RAF1: variants seen among roughly 807,000 people sequenced by gnomAD.
RAF1 encodes the protein RAF proto-oncogene serine/threonine-protein kinase.
Under a neutral mutation model 81.1 loss-of-function variants are expected in RAF1, and 27 were observed. That is an observed-to-expected ratio of 0.33 (90% CI 0.25 to 0.46). The LOEUF is 0.46. Ranked by LOEUF, RAF1 falls within the 20% of genes least tolerant of loss-of-function variation. RAF1 has a pLI of 1.00. For synonymous variants in RAF1, 298 were observed against 294.0 expected, an observed-to-expected ratio of 1.01 and a Z score of -0.14; for missense variants, 598 against 826.0, an observed-to-expected ratio of 0.72 and a Z score of 3.38.
chr3:12,656,914 T>C (rs2060711540), intron 1 of RAF1, among the ~76,000 whole-genome samples: 1 of 151,642 alleles, frequency 6.6e-6, no homozygotes, highest in African/African-American at 2.4e-5. Context: ...GGAGAATCAC[T>C]TGAACCCGGG....
In RAF1 at chr3:12,584,462, C is replaced by T. The variant is rs2058251449; in HGVS notation, c.*52G>A. 1.9e-6 allele frequency: 3 copies of T among 1,610,992 alleles called. No individual in the cohort carries two copies. Among genetic ancestry groups the T allele is most frequent in the Admixed American group, 1.7e-5 (1 of 59,986 alleles). On this transcript the variant is annotated 3_prime_UTR_variant, in exon 18 of 18. Transcript: ENST00000442415. ...GGAGAAAGGGAGCAGAAAAGTGGTG[C>T]CTGCTGGCTTCTCCTCCTCCCCTGG...
At chr3:12,640,714 A>G (rs1359046375) in intron 1 of RAF1, among the ~76,000 whole-genome samples, 2 of 140,790 alleles carry the variant, frequency 1.4e-5, no homozygotes, top group African/African-American at 5.5e-5. Flanking sequence ...TCAGGAAACA[A>G]CAGGTGCTGG....
intron 1 of RAF1, among the ~76,000 whole-genome samples, chr3:12,658,675 G>A (rs1491002780): frequency 1.3e-5 from 2 of 152,182 alleles, no homozygotes; most frequent in Non-Finnish European, 2.9e-5. Flanking sequence ...AACAAAAAAT[G>A]TAAACAACCT....
At chr3:12,592,320 C>T (rs1157525615) in intron 11 of RAF1, among the ~76,000 whole-genome samples, 1 of 152,166 alleles carries the variant, frequency 6.6e-6, no homozygotes, top group Non-Finnish European at 1.5e-5. Context: ...TGAGGCTGAA[C>T]TCTGAATCCA....
chr3:12,628,637 T>G (rs2059775652), intron 1 of RAF1, among the ~76,000 whole-genome samples: 1 of 151,878 alleles, frequency 6.6e-6, no homozygotes, highest in Non-Finnish European at 1.5e-5. Flanking sequence ...CACTGTAAGT[T>G]ATTTTGTGAC....
intron 12 of RAF1, among the ~76,000 whole-genome samples, chr3:12,591,191 T>C (rs1050895378): frequency 3.3e-5 from 5 of 152,126 alleles, no homozygotes; most frequent in African/African-American, 1.2e-4. Flanking sequence ...ATCAGTTCAG[T>C]GCCAGCCTTG....
intron 1 of RAF1, among the ~76,000 whole-genome samples, chr3:12,656,995 C>A (rs1380312773): frequency 7.3e-6 from 1 of 136,938 alleles, no homozygotes; most frequent in African/African-American, 2.8e-5. Context: ...GAAACTCCAT[C>A]TCGGGGAAAA....
intron 1 of RAF1, among the ~76,000 whole-genome samples, chr3:12,637,259 T>C (rs1450726189): frequency 6.6e-6 from 1 of 152,124 alleles, no homozygotes; most frequent in Non-Finnish European, 1.5e-5. Context: ...TTCTGAGAAC[T>C]TCAGTGAATT....
At chr3:12,598,672 G>A (rs1483024794) in intron 11 of RAF1, among the ~76,000 whole-genome samples, 3 of 141,136 alleles carry the variant, frequency 2.1e-5, no homozygotes, top group African/African-American at 8.1e-5. Flanking sequence ...GCTGCAGTGA[G>A]CTGTGATTGT....
At chr3:12,659,935 T>C (rs1223297892) in intron 1 of RAF1, among the ~76,000 whole-genome samples, 1 of 152,204 alleles carries the variant, frequency 6.6e-6, no homozygotes, top group African/African-American at 2.4e-5. Flanking sequence ...AGTAGGTTAC[T>C]AACAAAGATT....
intron 1 of RAF1, among the ~76,000 whole-genome samples, chr3:12,619,201 T>A (rs1425666987): frequency 1.3e-5 from 2 of 151,468 alleles, no homozygotes; most frequent in African/African-American, 4.9e-5. Context: ...GCGGAGATCA[T>A]GCCACCGCAC....
At chr3:12,662,881 A>G (rs1053755887) in intron 1 of RAF1, among the ~76,000 whole-genome samples, 3 of 152,054 alleles carry the variant, frequency 2.0e-5, no homozygotes, top group African/African-American at 7.2e-5. Flanking sequence ...CAGGGAGGGC[A>G]GAGTCTCTCC....
Position 12,599,769 on chromosome 3 carries a change from T to A in RAF1, c.1090A>T (p.Ile364Leu). ...GACAGCATCACTTCACTGGCTTCTA[T>A]TTCCCAATAATAGCTTGAATCTCTC... The change falls in exon 11 of 18, where the codon ATA becomes TTA. Residue 364 changes from isoleucine to leucine, a missense_variant. Physicochemically the swap from Ile to Leu is conservative, Grantham distance 5 (BLOSUM62 2). This residue lies in a region of RAF1 where 194 missense variants were observed against 202.7 expected (regional missense o/e 0.96). Transcript: ENST00000442415. 1 of 1,614,224 alleles carries A rather than the reference T, an allele frequency of 6.2e-7. No homozygotes were observed. Among genetic ancestry groups the A allele is most frequent in the African/African-American group, 1.3e-5 (1 of 75,074 alleles).
intron 1 of RAF1, among the ~76,000 whole-genome samples, chr3:12,620,093 T>C (rs967865217): frequency 1.3e-5 from 2 of 152,034 alleles, no homozygotes; most frequent in Non-Finnish European, 2.9e-5. Flanking sequence ...AAAAAAATAA[T>C]AATAATAAAT....
chr3:12,648,384 T>A (rs969182907), intron 1 of RAF1, among the ~76,000 whole-genome samples: 3 of 151,548 alleles, frequency 2.0e-5, no homozygotes, highest in African/African-American at 7.3e-5. Context: ...TTCTCTTTCA[T>A]ACTAAAGGCA....
chr3:12,591,626 C>T (rs1046328829), intron 12 of RAF1, 82 bp downstream of exon 11: 31 of 1,277,604 alleles, frequency 2.4e-5, no homozygotes, highest in Admixed American at 2.1e-4. Context: ...TCCCAACCTG[C>T]GGCACAGTCC....
chr3:12,632,705 G>GA (rs2059900429), intron 1 of RAF1, among the ~76,000 whole-genome samples: 1 of 152,128 alleles, frequency 6.6e-6, no homozygotes, highest in African/African-American at 2.4e-5. Flanking sequence ...TGAAATTCTT[G>GA]AAACTCTCTA....
Position 12,584,514 on chromosome 3 carries a change from C to T in RAF1, c.2007G>A (p.Ter669=), listed in dbSNP as rs1471833190. 2 of 1,614,230 alleles carry T rather than the reference C, an allele frequency of 1.2e-6. No homozygotes were observed. The highest frequency in any genetic ancestry group is 1.1e-5 in the South Asian group (1 of 91,084). Reference sequence around the variant, plus strand: ...AGCCTGAAGACAGGTGCAAAGTCAACTAGAAGACAGGCAGCCTCGGGGACG... The same window carrying T: ...AGCCTGAAGACAGGTGCAAAGTCAATTAGAAGACAGGCAGCCTCGGGGACG... Residue 669 remains the stop codon, a stop_retained_variant, in exon 18 of 18, where the codon TAG becomes TAA. Transcript: ENST00000442415.
chr3:12,585,319 G>A (rs2125323880), intron 15 of RAF1, 66 bp from the exon 15 acceptor site: 2 of 1,605,534 alleles, frequency 1.2e-6, no homozygotes, highest in South Asian at 2.2e-5. Flanking sequence ...AGACATCTAG[G>A]GGCCAGGCTG....
Sources: allele counts gnomAD v4.1 joint callset (sites outside exome capture counted in the v4.1 genomes callset), GRCh38; gene constraint gnomAD v4.1.1; regional missense constraint gnomAD v4.1.1; transcripts MANE v1.5; gene names NCBI Gene and HGNC (gene_info 2026-07-23, HGNC 2026-07-21).